RBKS: variants seen among roughly 807,000 people sequenced by gnomAD.
The protein encoded by RBKS is ribokinase.
A neutral mutation model predicts 33.9 loss-of-function variants in RBKS; 33 were observed. The observed-to-expected ratio is 0.97, with a 90% CI of 0.74 to 1.30. The LOEUF (loss-of-function observed/expected upper bound fraction) is 1.30, where lower values mean the gene tolerates loss of function less well. Among genes scored for constraint, RBKS ranks in the 50% most tolerant of loss-of-function variants. The pLI is 0.00. For synonymous variants in RBKS, 125 were observed against 143.0 expected (o/e 0.87, Z 0.90); for missense variants, 361 against 392.6 (o/e 0.92, Z 0.68).
rs533240074 is a variant in RBKS at position 27,833,220 on chromosome 2, T to A, written c.515-443A>T. Among the ~76,000 whole-genome samples the A allele has an allele frequency of 2.6e-5, 4 of 152,014 alleles. No homozygotes were observed. The East Asian group carries it at 7.7e-4, about 29-fold the overall frequency. On this transcript the variant is annotated intron_variant, in intron 5 of 7. Coordinates refer to ENST00000302188, the MANE Select transcript of RBKS (RefSeq NM_022128.3). ...GGGAAGAAAAAGAGACGATAGAAAA[T>A]AAACAATGAAAGGTTCAGAATTCTC... is the stretch of plus-strand genomic sequence containing the variant.
chr2:27,888,582 G>T (rs1219123419), intron 1 of RBKS, among the ~76,000 whole-genome samples: 1 of 152,152 alleles, frequency 6.6e-6, no homozygotes, highest in East Asian at 1.9e-4. Context: ...TTTCTAAAGT[G>T]AAATACATGC....
intron 1 of RBKS, among the ~76,000 whole-genome samples, chr2:27,883,922 T>C (rs925542222): frequency 1.1e-4 from 16 of 152,170 alleles, no homozygotes; most frequent in Admixed American, 6.5e-4. Flanking sequence ...AATGATTACT[T>C]TTGATATTAG....
chr2:27,890,008 C>T lies in RBKS; in HGVS notation c.89+249G>A, dbSNP rs1664685956. 2.5e-6 allele frequency: 1 copy of T among 401,032 alleles called. No homozygotes were observed. Among genetic ancestry groups the T allele is most frequent in the Non-Finnish European group, 4.5e-6 (1 of 222,670 alleles). The allele number at this position is 401,032 out of a possible 1,614,324, so 24.8% of individuals were successfully genotyped here. On this transcript the variant is annotated intron_variant, in intron 1 of 7. Coordinates refer to ENST00000302188, the MANE Select transcript of RBKS (RefSeq NM_022128.3). This position sits in a 1 kb window ranked among gnomAD's most constrained non-coding sequence, Gnocchi z 4.8. ...TTGGAGGGCAGGTCTTTGGGGAGCG[C>T]TTTGAGTAATATTAGAGCTTTCACT...
At chr2:27,882,181 G>A (rs911650735) in intron 1 of RBKS, among the ~76,000 whole-genome samples, 21 of 151,612 alleles carry the variant, frequency 1.4e-4, no homozygotes, top group African/African-American at 4.8e-4. Flanking sequence ...TCTGACAAAG[G>A]TCTAATATTC....
intron 5 of RBKS, among the ~76,000 whole-genome samples, chr2:27,838,179 G>A (rs192066274): frequency 9.9e-5 from 15 of 152,120 alleles, no homozygotes; most frequent in African/African-American, 2.2e-4. Flanking sequence ...CAGCCTGGGC[G>A]GGCAGAATGA....
At chr2:27,888,926 A>G (rs1664624057) in intron 1 of RBKS, among the ~76,000 whole-genome samples, 1 of 152,238 alleles carries the variant, frequency 6.6e-6, no homozygotes, top group African/African-American at 2.4e-5. Flanking sequence ...CTCCAACTAG[A>G]TTCAATTTTA....
In RBKS at chr2:27,863,524, GT is replaced by G; in HGVS notation, c.90-4954del. 3.3e-5 allele frequency among the ~76,000 whole-genome samples: 5 copies of G among 152,342 alleles called. No homozygotes were observed. In the South Asian group the frequency reaches 1.0e-3, roughly 32 times the overall value. On this transcript the variant is annotated intron_variant, in intron 1 of 7. Coordinates refer to ENST00000302188, the MANE Select transcript of RBKS (RefSeq NM_022128.3). ...CTTTTAACTTCTTGACAATGATGTG[GT>G]TTTTACAGATTCTCAGAGATTATTC... is the stretch of plus-strand genomic sequence containing the variant.
At chr2:27,839,498 T>C (rs1015803886) in intron 5 of RBKS, among the ~76,000 whole-genome samples, 3 of 152,164 alleles carry the variant, frequency 2.0e-5, no homozygotes, top group Non-Finnish European at 4.4e-5. Flanking sequence ...AGCTACTATG[T>C]CTTTAAAAAT....
At position 27,832,955 on chromosome 2, in the gene RBKS, A is replaced by G. The variant is rs548342659; in HGVS notation, c.515-178T>C. Among the ~76,000 whole-genome samples the G allele has an allele frequency of 6.6e-5, 10 of 152,212 alleles. 1 individual carries two copies. The highest frequency in any genetic ancestry group is 8.8e-5 in the Non-Finnish European group (6 of 68,040). ...ATCTCAATCTTCACGACAGCTGGGTACCAATTCCCTATTTCCATTTTCTTT... is the reference window on the plus strand; with the variant it reads ...ATCTCAATCTTCACGACAGCTGGGTGCCAATTCCCTATTTCCATTTTCTTT... On this transcript the variant is annotated intron_variant, in intron 5 of 7. Transcript: ENST00000302188.
intron 1 of RBKS, among the ~76,000 whole-genome samples, chr2:27,863,851 G>A (rs1298447715): frequency 6.6e-6 from 1 of 152,170 alleles, no homozygotes; most frequent in Non-Finnish European, 1.5e-5. Flanking sequence ...AAGGCTGAGA[G>A]TAATTTCAAA....
intron 7 of RBKS, among the ~76,000 whole-genome samples, chr2:27,800,485 C>T (rs921097233): frequency 1.3e-5 from 2 of 152,028 alleles, no homozygotes; most frequent in Non-Finnish European, 2.9e-5. Context: ...ATTGTGAAGA[C>T]TGAATTAAGT....
intron 6 of RBKS, among the ~76,000 whole-genome samples, chr2:27,831,230 G>A (rs1207219367): frequency 7.4e-6 from 1 of 134,562 alleles, no homozygotes; most frequent in Non-Finnish European, 1.5e-5. Context: ...TGCAGCAATA[G>A]ATAACTATAT....
chr2:27,809,946 G>C (rs887899332), intron 7 of RBKS: 29 of 1,303,900 alleles, frequency 2.2e-5, no homozygotes, highest in Non-Finnish European at 2.9e-5. Context: ...CACAAAATCA[G>C]TAGGCAGTTG....
chr2:27,880,395 T>G (rs1664394185), intron 1 of RBKS, among the ~76,000 whole-genome samples: 3 of 152,218 alleles, frequency 2.0e-5, no homozygotes, highest in African/African-American at 7.2e-5. Context: ...CCACTCCTAT[T>G]CAATATAGTA....
intron 3 of RBKS, 108 bp from the exon 4 acceptor site, chr2:27,847,212 A>T: frequency 1.6e-6 from 1 of 626,018 alleles, no homozygotes; most frequent in Non-Finnish European, 2.9e-6. Context: ...TTTAACCTTT[A>T]ACCATCTGGA....
At chr2:27,797,753 G>C (rs915239503) in intron 7 of RBKS, among the ~76,000 whole-genome samples, 2 of 152,118 alleles carry the variant, frequency 1.3e-5, no homozygotes, top group African/African-American at 4.8e-5. Flanking sequence ...GGGTACAAAG[G>C]AATCAAAGGT....
At chr2:27,801,930 C>T (rs1265393722) in intron 7 of RBKS, among the ~76,000 whole-genome samples, 1 of 118,196 alleles carries the variant, frequency 8.5e-6, no homozygotes, top group Non-Finnish European at 1.6e-5. Context: ...CCTCCTGTCT[C>T]AGTTTCCCGA....
intron 7 of RBKS, among the ~76,000 whole-genome samples, chr2:27,792,707 CCTT>C (rs1267636881): frequency 6.6e-5 from 10 of 152,194 alleles, no homozygotes; most frequent in African/African-American, 2.4e-4. Context: ...CACACTCTGA[CCTT>C]CTCCCACTCC....
chr2:27,844,133 G>A (rs1663569164), intron 4 of RBKS, among the ~76,000 whole-genome samples: 1 of 152,046 alleles, frequency 6.6e-6, no homozygotes, highest in South Asian at 2.1e-4. Flanking sequence ...GGTGGTATGT[G>A]CCTGCAGTCG....
Sources: gnomAD v4.1 joint callset for allele counts (sites outside exome capture counted in the v4.1 genomes callset) on GRCh38, gnomAD v4.1.1 for gene constraint, Gnocchi (gnomAD v3.1) non-coding constraint, MANE v1.5 for transcripts, NCBI Gene and HGNC (gene_info 2026-07-23, HGNC 2026-07-21) for gene names.